ASB3: variants seen among roughly 807,000 people sequenced by gnomAD.
ASB3 encodes ankyrin repeat and SOCS box protein 3.
In ASB3, 41 loss-of-function variants were observed where a neutral mutation model predicts 54.5. That is an observed-to-expected ratio of 0.75 (90% CI 0.59 to 0.98). ASB3 has a LOEUF of 0.98. Among genes scored for constraint, ASB3 ranks in the 50% least tolerant of loss-of-function variants. The pLI, the probability that ASB3 is intolerant of heterozygous loss-of-function variation, is 0.00. For synonymous variants in ASB3, 266 were observed against 221.2 expected (o/e 1.20, Z -1.80); for missense variants, 733 against 620.0 (o/e 1.18, Z -1.94).
chr2:53,673,357 G>C (rs1667917919), intron 9 of ASB3, among the ~76,000 whole-genome samples: 2 of 152,182 alleles, frequency 1.3e-5, no homozygotes, highest in African/African-American at 2.4e-5. Context: ...TGATGCTCCA[G>C]CTTCTCAGAG....
At chr2:53,780,168 G>A (rs1048680684) in intron 1 of ASB3, among the ~76,000 whole-genome samples, 2 of 152,034 alleles carry the variant, frequency 1.3e-5, no homozygotes, top group Admixed American at 1.3e-4. Context: ...ATGTCTTCCT[G>A]CTGCATATAA....
chr2:53,743,673 T>C (rs906296524), intron 3 of ASB3, among the ~76,000 whole-genome samples: 1 of 152,216 alleles, frequency 6.6e-6, no homozygotes, highest in Non-Finnish European at 1.5e-5. Flanking sequence ...AAATAACACA[T>C]TATATAAATA....
chr2:53,675,890 T>A (rs571945504), intron 9 of ASB3, among the ~76,000 whole-genome samples: 76 of 152,342 alleles, frequency 5.0e-4, no homozygotes, highest in African/African-American at 1.5e-3. Flanking sequence ...TTGCTTGGCT[T>A]TAACCTGCAT....
At chr2:53,714,623 G>C (rs1366981309) in intron 6 of ASB3, 42 bp from the exon 7 acceptor site, 3 of 1,582,004 alleles carry the variant, frequency 1.9e-6, no homozygotes, top group Non-Finnish European at 2.6e-6. Flanking sequence ...GTTTGTATAT[G>C]TGCATAAATG....
chr2:53,746,129 T>C (rs529729208), intron 3 of ASB3, among the ~76,000 whole-genome samples: 3 of 151,684 alleles, frequency 2.0e-5, no homozygotes, highest in African/African-American at 7.3e-5. Context: ...TCTACAAAAA[T>C]TAAACATTAA....
chr2:53,710,749 C>G (rs1425594658), intron 7 of ASB3, among the ~76,000 whole-genome samples: 1 of 152,200 alleles, frequency 6.6e-6, no homozygotes, highest in Non-Finnish European at 1.5e-5. Context: ...AAAGCCTTGA[C>G]TTTCCTGCTT....
chr2:53,774,466 G>C, intron 1 of ASB3: 1 of 1,591,390 alleles, frequency 6.3e-7, no homozygotes, highest in Middle Eastern at 1.7e-4. Context: ...GCATCTTTTC[G>C]CTTTGGAAAA....
chr2:53,687,123 T>C (rs183631052), intron 9 of ASB3, among the ~76,000 whole-genome samples: 3 of 152,164 alleles, frequency 2.0e-5, no homozygotes, highest in Admixed American at 2.0e-4. Flanking sequence ...TAGTATCTAG[T>C]TTAATAAGAA....
chr2:53,747,556 C>G (rs964681183), intron 3 of ASB3, among the ~76,000 whole-genome samples: 1 of 152,126 alleles, frequency 6.6e-6, no homozygotes, highest in African/African-American at 2.4e-5. Flanking sequence ...CAGTCAAATA[C>G]GTTTCAAAGC....
At chr2:53,735,261 G>A (rs976999789) in intron 3 of ASB3, among the ~76,000 whole-genome samples, 3 of 151,944 alleles carry the variant, frequency 2.0e-5, no homozygotes, top group African/African-American at 7.3e-5. Context: ...ATTCTGAAAC[G>A]TTACTGAGCA....
intron 1 of ASB3, chr2:53,767,967 C>A: frequency 6.2e-7 from 1 of 1,614,184 alleles, no homozygotes; most frequent in South Asian, 1.1e-5. Context: ...ACATCACCAA[C>A]TACAGCAGGC....
chr2:53,711,241 GCT>G (rs1193979093), intron 7 of ASB3, among the ~76,000 whole-genome samples: 1 of 152,180 alleles, frequency 6.6e-6, no homozygotes, highest in Non-Finnish European at 1.5e-5. Flanking sequence ...GCTTCTCCAA[GCT>G]CTCTCTTCTC....
At chr2:53,734,882 T>C (rs1422598601) in intron 3 of ASB3, among the ~76,000 whole-genome samples, 1 of 151,834 alleles carries the variant, frequency 6.6e-6, no homozygotes, top group African/African-American at 2.4e-5. Context: ...CTGTCTTCAA[T>C]CTCTATTTAT....
chr2:53,750,921 T>C lies in ASB3; in HGVS notation c.217A>G (p.Lys73Glu). ...INADSSENYI[K>E]MKTFEGFCAL... ...CAGAAACCTTCAAAGGTCTTCATCT[T>C]AATGTAGTTTTCAGATGAATCTGTG... Residue 73 changes from lysine (K) to glutamate (E), a missense_variant, in exon 3 of 10, where the codon AAG becomes GAG. By Grantham distance (56) the Lys-to-Glu change is moderately conservative. Transcript: ENST00000263634. 5.1e-6 allele frequency: 8 copies of C among 1,570,956 alleles called. No homozygotes were observed. Among genetic ancestry groups the C allele is most frequent in the African/African-American group, 1.4e-5 (1 of 73,410 alleles).
chr2:53,700,336 A>G lies in ASB3; in HGVS notation c.1173T>C (p.Tyr391=), dbSNP rs1016569912. 3 of 1,614,010 alleles carry G rather than the reference A, an allele frequency of 1.9e-6. No individual in the cohort carries two copies. Among genetic ancestry groups the G allele is most frequent in the African/African-American group, 2.7e-5 (2 of 74,928 alleles). ...VNHAIKAQAK[Y]KEWLPHLLVA... ...CCAGAAGATGTGGCAACCACTCCTT[A>G]TATTTTGCTTGTGCTTTAATTGCAT... The change falls in exon 8 of 10, where the codon TAT becomes TAC. Residue 391 remains tyrosine, a synonymous_variant. Transcript: ENST00000263634.
chr2:53,740,670 C>T (rs1671885152), intron 3 of ASB3, among the ~76,000 whole-genome samples: 1 of 152,118 alleles, frequency 6.6e-6, no homozygotes, highest in African/African-American at 2.4e-5. Context: ...ATCTTCTGGG[C>T]AAAACTCATT....
At chr2:53,758,605 C>T (rs1184154445) in intron 2 of ASB3, among the ~76,000 whole-genome samples, 1 of 152,176 alleles carries the variant, frequency 6.6e-6, no homozygotes, top group Admixed American at 6.5e-5. Flanking sequence ...CCACTAGAAT[C>T]CAGCAGCCCG....
At chr2:53,702,829 G>A (rs994950219) in intron 7 of ASB3, among the ~76,000 whole-genome samples, 16 of 152,098 alleles carry the variant, frequency 1.1e-4, no homozygotes, top group Non-Finnish European at 2.4e-4. Context: ...ATAGAAATGG[G>A]CAAATATCTT....
rs371426317 is a variant in ASB3 at position 53,695,169 on chromosome 2, C to G, written c.1239-1155G>C. On this transcript the variant is annotated intron_variant, in intron 8 of 9. Coordinates refer to ENST00000263634, the MANE Select transcript of ASB3 (RefSeq NM_016115.5). ...AGGAAATACAAGGAAAGAAGATAAA[C>G]TGAATAACAATCTAAGCTCACCATC... Among the ~76,000 whole-genome samples the G allele has an allele frequency of 2.6e-5, 4 of 152,198 alleles. No individual in the cohort carries two copies. The East Asian group carries it at 5.8e-4, about 22-fold the overall frequency.
Sources: gnomAD v4.1 joint callset for allele counts (sites outside exome capture counted in the v4.1 genomes callset) on GRCh38, gnomAD v4.1.1 for gene constraint, MANE v1.5 for transcripts, NCBI Gene and HGNC (gene_info 2026-07-23, HGNC 2026-07-21) for gene names.